The following ENTHD1 variants were observed in gnomAD, a reference collection of about 807,000 sequenced individuals.
ENTHD1 encodes ENTH domain-containing protein 1.
Under a neutral mutation model 39.1 loss-of-function variants are expected in ENTHD1, and 23 were observed. That is an observed-to-expected ratio of 0.59 (90% CI 0.42 to 0.83). ENTHD1 has a LOEUF of 0.83. ENTHD1 is among the 40% of genes least tolerant of loss of function. ENTHD1 has a pLI of 0.00. For synonymous variants in ENTHD1, 230 were observed against 258.2 expected, an observed-to-expected ratio of 0.89 and a Z score of 1.05; for missense variants, 624 against 705.4, an observed-to-expected ratio of 0.88 and a Z score of 1.31.
intron 2 of ENTHD1, among the ~76,000 whole-genome samples, chr22:39,878,172 T>TG (rs1295606720): frequency 6.6e-6 from 1 of 152,174 alleles, no homozygotes; most frequent in Admixed American, 6.5e-5. Flanking sequence ...AGAATGCCTT[T>TG]GGCAGGCTTT....
At chr22:39,869,983 CTTTA>C (rs137943) in intron 2 of ENTHD1, among the ~76,000 whole-genome samples, 6,370 of 140,652 alleles carry the variant, frequency 0.045, 166 homozygotes, top group Middle Eastern at 0.074. Context: ...GAGAACAGTA[CTTTA>C]TTTATTTATT....
At chr22:39,827,928 A>G (rs1289404041) in intron 4 of ENTHD1, among the ~76,000 whole-genome samples, 1 of 152,232 alleles carries the variant, frequency 6.6e-6, no homozygotes, top group Admixed American at 6.5e-5. Context: ...TTATATATAT[A>G]TATGTATGTG....
chr22:39,883,819 A>C lies in ENTHD1; in HGVS notation c.349+3581T>G, dbSNP rs1179801468. Reference sequence around the variant, plus strand: ...GCAGTGGCTGAGATCATGCCACTGCACTCCAGCCTGGATGACAGAGCAAGG... The same window carrying C: ...GCAGTGGCTGAGATCATGCCACTGCCCTCCAGCCTGGATGACAGAGCAAGG... On this transcript the variant is annotated intron_variant, in intron 2 of 6. Transcript: ENST00000325157. 7.0e-5 allele frequency among the ~76,000 whole-genome samples: 10 copies of C among 141,910 alleles called. No homozygotes were observed. In the East Asian group the frequency reaches 2.0e-3, roughly 29 times the overall value. 93.1% of individuals were successfully genotyped at this position (141,910 alleles called of 152,430 possible).
At chr22:39,824,784 T>G (rs1694395878) in intron 4 of ENTHD1, among the ~76,000 whole-genome samples, 1 of 152,216 alleles carries the variant, frequency 6.6e-6, no homozygotes, top group South Asian at 2.1e-4. Context: ...TGTTTGTCTC[T>G]CCACCAATAC....
At chr22:39,784,596 C>T (rs1478327323) in intron 5 of ENTHD1, among the ~76,000 whole-genome samples, 2 of 140,076 alleles carry the variant, frequency 1.4e-5, no homozygotes, top group African/African-American at 5.4e-5. Context: ...GAATATTCAG[C>T]CATAAAAGAG....
At position 39,744,191 on chromosome 22, in the gene ENTHD1, A is replaced by C. The variant is rs1375713641; in HGVS notation, c.1312T>G (p.Ser438Ala). The change falls in exon 7 of 7, where the codon TCA becomes GCA. Residue 438 changes from serine (S) to alanine (A), a missense_variant. Transcript: ENST00000325157. ...ASPEKSAHLL[S>A]PILAGPSFWT... ...AAGGAAGGTCCGGCCAGAATTGGTG[A>C]TAAGAGATGAGCTGACTTCTCTGGA... 6.2e-7 allele frequency: 1 copy of C among 1,614,168 alleles called. No individual in the cohort carries two copies. The highest frequency in any genetic ancestry group is 8.5e-7 in the Non-Finnish European group (1 of 1,179,992).
chr22:39,877,971 C>T (rs773950015), intron 2 of ENTHD1, among the ~76,000 whole-genome samples: 4 of 151,996 alleles, frequency 2.6e-5, no homozygotes, highest in African/African-American at 9.7e-5. Flanking sequence ...TAACAAAACC[C>T]GGTGCAGATA....
At chr22:39,822,002 G>A (rs2065786480) in intron 4 of ENTHD1, among the ~76,000 whole-genome samples, 1 of 152,198 alleles carries the variant, frequency 6.6e-6, no homozygotes, top group Non-Finnish European at 1.5e-5. Context: ...AGGAAAACAA[G>A]TATTCAGACG....
chr22:39,850,114 T>G (rs1362246103), intron 3 of ENTHD1, among the ~76,000 whole-genome samples: 2 of 152,196 alleles, frequency 1.3e-5, no homozygotes, highest in Non-Finnish European at 2.9e-5. Flanking sequence ...TATCATCAAT[T>G]ATAAAATCCA....
intron 3 of ENTHD1, among the ~76,000 whole-genome samples, chr22:39,841,599 C>T (rs978787299): frequency 1.3e-4 from 19 of 151,762 alleles, no homozygotes; most frequent in African/African-American, 4.6e-4. Context: ...GTAGCTCTTC[C>T]TCCATCCTTT....
intron 5 of ENTHD1, among the ~76,000 whole-genome samples, chr22:39,818,769 C>T (rs896041494): frequency 6.6e-6 from 1 of 152,110 alleles, no homozygotes. Flanking sequence ...AAGATGGGTC[C>T]AAGCCAAGTA....
intron 4 of ENTHD1, among the ~76,000 whole-genome samples, chr22:39,831,229 C>T (rs1421668891): frequency 6.6e-6 from 1 of 152,148 alleles, no homozygotes; most frequent in Non-Finnish European, 1.5e-5. Context: ...GGTGAGAGAA[C>T]ACAAACCTCT....
At chr22:39,860,398 A>C (rs2066130065) in intron 3 of ENTHD1, among the ~76,000 whole-genome samples, 1 of 152,164 alleles carries the variant, frequency 6.6e-6, no homozygotes, top group Non-Finnish European at 1.5e-5. Context: ...CCATGAGAAA[A>C]TTTCAGAATG....
chr22:39,840,919 AT>A (rs1402337192), intron 3 of ENTHD1, among the ~76,000 whole-genome samples: 1 of 151,916 alleles, frequency 6.6e-6, no homozygotes, highest in Non-Finnish European at 1.5e-5. Flanking sequence ...CCCCTGGCTA[AT>A]TTTTTGTATT....
intron 3 of ENTHD1, among the ~76,000 whole-genome samples, chr22:39,836,265 T>C (rs1459149705): frequency 6.6e-6 from 1 of 152,168 alleles, no homozygotes; most frequent in African/African-American, 2.4e-5. Context: ...GACTGCATAC[T>C]AACAATAATT....
intron 6 of ENTHD1, among the ~76,000 whole-genome samples, chr22:39,756,764 T>G (rs1490941805): frequency 6.6e-6 from 1 of 152,206 alleles, no homozygotes; most frequent in African/African-American, 2.4e-5. Flanking sequence ...TTACCTGATG[T>G]TCAAGAAATT....
intron 6 of ENTHD1, among the ~76,000 whole-genome samples, chr22:39,757,784 G>A (rs572912778): frequency 6.6e-6 from 1 of 152,116 alleles, no homozygotes; most frequent in Non-Finnish European, 1.5e-5. Context: ...TATTCCCCAC[G>A]TGTCAAGGGA....
chr22:39,744,222 T>C lies in ENTHD1; in HGVS notation c.1281A>G (p.Leu427=), dbSNP rs1318780826. The C allele has an allele frequency of 1.9e-6, 3 of 1,613,810 alleles. No individual in the cohort carries two copies. Among genetic ancestry groups the C allele is most frequent in the Non-Finnish European group, 2.5e-6 (3 of 1,179,874 alleles). ...FSPLSMSSPD[L]ASPEKSAHLL... ...GATGAGCTGACTTCTCTGGAGAGGC[T>C]AAATCAGGAGATGACATGGATAAAG... Residue 427 remains leucine, a synonymous_variant, in exon 7 of 7, where the codon TTA becomes TTG. Transcript: ENST00000325157.
rs139608892 is a variant in ENTHD1 at position 39,821,297 on chromosome 22, G to A, written c.712-184C>T. 2.8e-3 allele frequency among the ~76,000 whole-genome samples: 427 copies of A among 151,948 alleles called. 1 individual carries two copies. Among genetic ancestry groups the A allele is most frequent in the African/African-American group, 9.8e-3 (406 of 41,406 alleles). ...GGGTGTAGGGAGGTTTTGTGCCCTC[G>A]GGAATCCCCAGACCTTGCTGAAGAC... is the stretch of plus-strand genomic sequence containing the variant. On this transcript the variant is annotated intron_variant, in intron 4 of 6. Transcript: ENST00000325157.
Sources: allele counts gnomAD v4.1 joint callset (sites outside exome capture counted in the v4.1 genomes callset), GRCh38; gene constraint gnomAD v4.1.1; transcripts MANE v1.5; gene names NCBI Gene and HGNC (gene_info 2026-07-23, HGNC 2026-07-21).